NABP2: variants seen among roughly 807,000 people sequenced by gnomAD.
NABP2 encodes the protein nucleic acid binding protein 2.
A neutral mutation model predicts 22.7 loss-of-function variants in NABP2; 7 were observed. The ratio of observed to expected loss-of-function variants is 0.31; its 90% CI spans 0.18 to 0.58. NABP2 has a LOEUF of 0.58. Among genes scored for constraint, NABP2 ranks in the 20% least tolerant of loss-of-function variants. NABP2 has a pLI of 0.89. For synonymous variants in NABP2, 107 were observed against 99.2 expected, an observed-to-expected ratio of 1.08 and a Z score of -0.47; for missense variants, 188 against 265.9, an observed-to-expected ratio of 0.71 and a Z score of 2.04.
At chr12:56,225,743 G>T (rs773438410) in intron 4 of NABP2, 48 bp downstream of exon 4, 3 of 1,588,158 alleles carry the variant, frequency 1.9e-6, no homozygotes, top group Non-Finnish European at 1.7e-6. Flanking sequence ...AGGGCAAAGG[G>T]GTTTGCAAGG....
chr12:56,225,231 C>G (rs553324712), intron 2 of NABP2, 142 bp from the exon 3 acceptor site: 3 of 1,152,966 alleles, frequency 2.6e-6, no homozygotes, highest in African/African-American at 3.0e-5. Flanking sequence ...CAATCCCAAC[C>G]CTTTATGCCC....
upstream of NABP2, chr12:56,223,752 T>C (rs1869621845): frequency 6.6e-6 from 1 of 152,262 alleles, no homozygotes; most frequent in African/African-American, 2.4e-5. Context: ...GTGTGCCTAC[T>C]GTGTGCAAGG....
chr12:56,226,999 C>T (rs903871531), intron 6 of NABP2, among the ~76,000 whole-genome samples: 7 of 151,078 alleles, frequency 4.6e-5, no homozygotes, highest in Non-Finnish European at 4.4e-5. Flanking sequence ...GCTGGGATTA[C>T]AGGCGTGAGC....
At chr12:56,224,620 G>T (rs907010574) in intron 1 of NABP2, 179 bp downstream of exon 1, 5 of 1,174,456 alleles carry the variant, frequency 4.3e-6, no homozygotes, top group Non-Finnish European at 5.6e-6. Flanking sequence ...TCCCGGCAGG[G>T]GGCCTTCCAG....
intron 4 of NABP2, 146 bp from the exon 5 acceptor site, chr12:56,226,033 C>A: frequency 4.1e-6 from 3 of 726,794 alleles, no homozygotes; most frequent in Non-Finnish European, 7.1e-6. Flanking sequence ...AACTCCTGGG[C>A]TGAAGTGATC....
In NABP2 at chr12:56,226,639, C is replaced by T. The variant is rs530548830; in HGVS notation, c.436+220C>T. ...GGAGTGCAATGGCGTGATCTCGGCT[C>T]ACTGCAACCTCCGCCTCCCAGGTTC... On this transcript the variant is annotated intron_variant, in intron 6 of 6. Transcript: ENST00000267023. Among the ~76,000 whole-genome samples the T allele has an allele frequency of 8.7e-4, 119 of 136,838 alleles. 1 individual carries two copies. The highest frequency in any genetic ancestry group is 3.0e-3 in the African/African-American group (113 of 37,426). 89.8% of individuals were successfully genotyped at this position (136,838 alleles called of 152,430 possible). A position where few individuals can be genotyped will look rare whatever the true frequency, so the allele number is the denominator to read the frequency against.
At chr12:56,226,557 C>CTTTTTTTTTTTTTTTTTTTTTTTTTTT (rs10676451) in intron 6 of NABP2, 138 bp downstream of exon 6, 1 of 227,662 alleles carries the variant, frequency 4.4e-6, no homozygotes, top group Non-Finnish European at 7.6e-6. Context: ...TCCCAGACCC[C>CTTTTTTTTTTTTTTTTTTTTTTTTTTT]TTTTTTTTTT....
At chr12:56,225,232 C>T (rs1869706577) in intron 2 of NABP2, 141 bp from the exon 3 acceptor site, 9 of 1,173,182 alleles carry the variant, frequency 7.7e-6, no homozygotes, top group South Asian at 5.6e-5. Context: ...AATCCCAACC[C>T]TTTATGCCCC....
At position 56,229,850 on chromosome 12, in the gene NABP2, C is replaced by T. The variant is rs1198147498; in HGVS notation, c.*637C>T. ...CTCTCCTTCCTAATAAATGTTACCA[C>T]TCTACTCTGTGTTGGACTCCTTTGC... On this transcript the variant is annotated 3_prime_UTR_variant, in exon 7 of 7. Transcript: ENST00000267023. 1.3e-5 allele frequency: 2 copies of T among 153,872 alleles called. No homozygotes were observed. The highest frequency in any genetic ancestry group is 2.9e-5 in the Non-Finnish European group (2 of 69,036). The allele number at this position is 153,872 out of a possible 1,614,324, so 9.5% of individuals were successfully genotyped here. A position where few individuals can be genotyped will look rare whatever the true frequency, so the allele number is the denominator to read the frequency against.
chr12:56,225,581 A>AAC (rs1313269306), intron 3 of NABP2, 43 bp from the exon 4 acceptor site: 1 of 1,614,108 alleles, frequency 6.2e-7, no homozygotes, highest in Non-Finnish European at 8.5e-7. Flanking sequence ...CAGTCCCTAT[A>AAC]ACACTTCTGA....
chr12:56,228,748 T>C (rs1411892147), intron 6 of NABP2, among the ~76,000 whole-genome samples: 2 of 152,158 alleles, frequency 1.3e-5, no homozygotes, highest in Admixed American at 6.5e-5. Context: ...ATTCTAGGTC[T>C]GATTCCCAAT....
At chr12:56,224,318 C>A (rs1319379870), upstream of NABP2, 60 of 987,150 alleles carry the variant, frequency 6.1e-5, no homozygotes, top group Non-Finnish European at 6.9e-5. Flanking sequence ...GGAGGCCAGC[C>A]GGGGGAAACT....
Position 56,225,479 on chromosome 12 carries a change from C to A in NABP2, c.186C>A (p.Ile62=). The A allele has an allele frequency of 6.2e-6, 10 of 1,614,214 alleles. No individual in the cohort carries two copies. Among genetic ancestry groups the A allele is most frequent in the Non-Finnish European group, 8.5e-6 (10 of 1,180,054 alleles). The change falls in exon 3 of 7, where the codon ATC becomes ATA. Residue 62 remains isoleucine, a synonymous_variant. Transcript: ENST00000267023. ...TCTGGGACGATGTTGGCAATCTGATCCAGCCTGGGGACATTATCCGGCTCA... is the reference window on the plus strand; with the variant it reads ...TCTGGGACGATGTTGGCAATCTGATACAGCCTGGGGACATTATCCGGCTCA... ...ISVWDDVGNL[I]QPGDIIRLTK...
rs149565605 is a variant in NABP2, at chr12:56,224,895, G to A, written c.39G>A (p.Gly13=). ...CCTTTGTGAAGGATATCAAGCCTGGGCTCAAGAATCTGAACCTTATCTTCA... is the reference window on the plus strand; with the variant it reads ...CCTTTGTGAAGGATATCAAGCCTGGACTCAAGAATCTGAACCTTATCTTCA... The part of the protein sequence containing the change: ...TETFVKDIKP[G]LKNLNLIFIV... Residue 13 remains glycine, a synonymous_variant, in exon 2 of 7, where the codon GGG becomes GGA. Transcript: ENST00000267023. 1 of 1,613,638 alleles carries A rather than the reference G, an allele frequency of 6.2e-7. No individual in the cohort carries two copies.
intron 2 of NABP2, 127 bp from the exon 3 acceptor site, chr12:56,225,246 G>T (rs1452496644): frequency 3.1e-6 from 4 of 1,291,756 alleles, no homozygotes; most frequent in Middle Eastern, 1.9e-4. Flanking sequence ...ATGCCCCAGG[G>T]ATTTGGGCTT....
intron 6 of NABP2, 126 bp from the exon 7 acceptor site, chr12:56,228,888 T>C (rs1052048086): frequency 1.2e-6 from 1 of 848,942 alleles, no homozygotes; most frequent in Admixed American, 2.1e-5. Context: ...TTTGGTCCAG[T>C]TGGCATTAAG....
chr12:56,228,199 A>G (rs896262165), intron 6 of NABP2, among the ~76,000 whole-genome samples: 1 of 152,174 alleles, frequency 6.6e-6, no homozygotes, highest in Non-Finnish European at 1.5e-5. Context: ...ACTCAAAAAA[A>G]TAAATAAATA....
Position 56,224,548 on chromosome 12 carries a change from C to G in NABP2, c.-24+107C>G, listed in dbSNP as rs1322755907. 8.3e-6 allele frequency: 10 copies of G among 1,199,494 alleles called. No homozygotes were observed. In the East Asian group the frequency reaches 1.2e-4, roughly 14 times the overall value. 74.3% of individuals were successfully genotyped at this position (1,199,494 alleles called of 1,614,324 possible). On this transcript the variant is annotated intron_variant, in intron 1 of 6. Coordinates refer to ENST00000267023, the MANE Select transcript of NABP2 (RefSeq NM_024068.4). ...TAAGATTCTACTCCCTGGCTGTGCACCGGGTTCCCTACCCCTGTCTACGTC... is the reference window on the plus strand; with the variant it reads ...TAAGATTCTACTCCCTGGCTGTGCAGCGGGTTCCCTACCCCTGTCTACGTC...
At chr12:56,226,720 C>T (rs1304728731) in intron 6 of NABP2, among the ~76,000 whole-genome samples, 6 of 72,058 alleles carry the variant, frequency 8.3e-5, no homozygotes, top group Non-Finnish European at 2.0e-4. Context: ...CACCTGCCAC[C>T]ATGCCCGGCT....
Sources: gnomAD v4.1 joint callset for allele counts (sites outside exome capture counted in the v4.1 genomes callset) on GRCh38, gnomAD v4.1.1 for gene constraint, MANE v1.5 for transcripts, NCBI Gene and HGNC (gene_info 2026-07-23, HGNC 2026-07-21) for gene names.